Variants in ADAMTS12 observed in about 807,000 individuals in gnomAD.
ADAMTS12 encodes the protein A disintegrin and metalloproteinase with thrombospondin motifs 12.
ADAMTS12 carries 118 observed loss-of-function variants against 167.8 expected under a neutral mutation model. That is an observed-to-expected ratio of 0.70 (90% confidence interval 0.61 to 0.82). The LOEUF is 0.82. Ranked by LOEUF, ADAMTS12 falls within the 40% of genes least tolerant of loss-of-function variation. The pLI, the probability that ADAMTS12 is intolerant of heterozygous loss-of-function variation, is 0.00. For missense variants in ADAMTS12, 1,916 were observed against 1,998.8 expected (o/e 0.96, Z 0.79); for synonymous variants, 704 against 716.9 (o/e 0.98, Z 0.29).
chr5:33,886,999 T>C (rs1750658107), intron 1 of ADAMTS12, among the ~76,000 whole-genome samples: 1 of 152,068 alleles, frequency 6.6e-6, no homozygotes. Flanking sequence ...GGGATCACTG[T>C]GGACATAAAC....
At chr5:33,876,426 T>C (rs1241220700) in intron 2 of ADAMTS12, among the ~76,000 whole-genome samples, 1 of 152,220 alleles carries the variant, frequency 6.6e-6, no homozygotes, top group Non-Finnish European at 1.5e-5. Flanking sequence ...CTGTGTGCTA[T>C]TGATGGAACA....
intron 3 of ADAMTS12, among the ~76,000 whole-genome samples, chr5:33,700,355 C>A (rs922611107): frequency 6.6e-6 from 1 of 152,106 alleles, no homozygotes; most frequent in African/African-American, 2.4e-5. Context: ...TAAAGTAGAA[C>A]AAACTCTTGA....
At chr5:33,795,574 A>G (rs968288238) in intron 2 of ADAMTS12, among the ~76,000 whole-genome samples, 4 of 152,240 alleles carry the variant, frequency 2.6e-5, no homozygotes, top group African/African-American at 9.6e-5. Context: ...TCAGAAGCAC[A>G]AAGGGACTCC....
chr5:33,614,449 C>T, intron 15 of ADAMTS12, 73 bp from the exon 16 acceptor site: 1 of 1,567,756 alleles, frequency 6.4e-7, no homozygotes, highest in Admixed American at 1.7e-5. Flanking sequence ...AAAAACACCA[C>T]AAAATGTCAG....
At chr5:33,596,774 G>A (rs1170764990) in intron 16 of ADAMTS12, among the ~76,000 whole-genome samples, 1 of 152,232 alleles carries the variant, frequency 6.6e-6, no homozygotes, top group African/African-American at 2.4e-5. Context: ...AAGGATAGAG[G>A]AGACAGATAT....
chr5:33,658,249 AC>A lies in ADAMTS12; in HGVS notation c.1124del (p.Ser375IlefsTer20). ...GTCCCGAATCTTCATTGATGTTACAACTGCGGTGAGGCTGACACATTCCTGA... is the reference window on the plus strand; with the variant it reads ...GTCCCGAATCTTCATTGATGTTACAATGCGGTGAGGCTGACACATTCCTGA... Reference protein sequence around the residue: ...HLSGMCQPHRSCNINEDSGLP... With the variant: ...HLSGMCQPHRXCNINEDSGLP... On this transcript the variant is annotated frameshift_variant, in exon 7 of 24. Transcript: ENST00000504830. LOFTEE classifies it high-confidence loss of function. 6 of 1,613,684 alleles carry A rather than the reference AC, an allele frequency of 3.7e-6. No homozygotes were observed. Among genetic ancestry groups the A allele is most frequent in the Non-Finnish European group, 5.1e-6 (6 of 1,179,698 alleles).
chr5:33,876,376 C>T (rs1236955127), intron 2 of ADAMTS12, among the ~76,000 whole-genome samples: 4 of 152,160 alleles, frequency 2.6e-5, no homozygotes, highest in Non-Finnish European at 5.9e-5. Context: ...AATCAGTCTA[C>T]CTGATTTCAT....
intron 2 of ADAMTS12, among the ~76,000 whole-genome samples, chr5:33,866,115 T>C (rs1464792070): frequency 1.3e-5 from 2 of 152,258 alleles, no homozygotes; most frequent in East Asian, 3.9e-4. Flanking sequence ...ATCTGAAAAT[T>C]CATATGGAAC....
At chr5:33,549,090 C>CA (rs1745122493) in intron 21 of ADAMTS12, 117 bp downstream of exon 21, 1 of 1,306,138 alleles carries the variant, frequency 7.7e-7, no homozygotes, top group South Asian at 1.5e-5. Flanking sequence ...GAACAGAGGC[C>CA]AGTCATTGGC....
At chr5:33,820,311 G>A (rs1172604121) in intron 2 of ADAMTS12, among the ~76,000 whole-genome samples, 1 of 152,114 alleles carries the variant, frequency 6.6e-6, no homozygotes, top group African/African-American at 2.4e-5. Context: ...TAAACATAAA[G>A]CAAACTGCCA....
Position 33,858,952 on chromosome 5 carries a change from T to C in ADAMTS12, c.489+22167A>G, listed in dbSNP as rs868018275. Among the ~76,000 whole-genome samples, 2 of 152,116 alleles carry C rather than the reference T, an allele frequency of 1.3e-5. 1 individual carries two copies. Among genetic ancestry groups the C allele is most frequent in the South Asian group, 4.1e-4 (2 of 4,826 alleles). ...AGCCAAGGGAAGCCGTGAGGGTCTG[T>C]GCCTTGAGGAACGGTGCACTCCAGC... On this transcript the variant is annotated intron_variant, in intron 2 of 23. Coordinates refer to ENST00000504830, the MANE Select transcript of ADAMTS12 (RefSeq NM_030955.4).
intron 9 of ADAMTS12, among the ~76,000 whole-genome samples, chr5:33,645,124 T>C (rs1468262537): frequency 6.6e-6 from 1 of 151,158 alleles, no homozygotes; most frequent in Non-Finnish European, 1.5e-5. Flanking sequence ...ATCCATGGTA[T>C]CTCCAGGACA....
intron 16 of ADAMTS12, among the ~76,000 whole-genome samples, chr5:33,609,221 C>T (rs773223163): frequency 6.6e-6 from 1 of 152,066 alleles, no homozygotes; most frequent in Non-Finnish European, 1.5e-5. Flanking sequence ...GGGTTAAACT[C>T]CCTATGTGAA....
intron 19 of ADAMTS12, among the ~76,000 whole-genome samples, chr5:33,575,032 T>C (rs543083199): frequency 2.0e-5 from 3 of 152,286 alleles, no homozygotes; most frequent in Non-Finnish European, 2.9e-5. Flanking sequence ...AAGGATGTAA[T>C]TGGTTCTAGA....
At chr5:33,551,561 G>C (rs888644506) in intron 20 of ADAMTS12, among the ~76,000 whole-genome samples, 2 of 152,146 alleles carry the variant, frequency 1.3e-5, no homozygotes, top group Non-Finnish European at 2.9e-5. Flanking sequence ...GTTAAAACAA[G>C]AGTACTTTTT....
intron 18 of ADAMTS12, among the ~76,000 whole-genome samples, chr5:33,579,119 T>G (rs998249972): frequency 4.6e-5 from 7 of 152,220 alleles, no homozygotes; most frequent in South Asian, 4.1e-4. Flanking sequence ...TTTATCTTCC[T>G]GGTTTGCTGC....
intron 2 of ADAMTS12, among the ~76,000 whole-genome samples, chr5:33,803,433 G>A (rs1747086460): frequency 6.6e-6 from 1 of 152,192 alleles, no homozygotes; most frequent in Admixed American, 6.5e-5. Flanking sequence ...GCCTTGAAGT[G>A]TGGGGTGCAC....
chr5:33,781,622 T>C (rs1423147386), intron 2 of ADAMTS12, among the ~76,000 whole-genome samples: 8 of 152,320 alleles, frequency 5.3e-5, no homozygotes, highest in East Asian at 3.9e-4. Flanking sequence ...CTGACTATAA[T>C]TGAAAGGTCA....
chr5:33,537,008 G>C (rs749067430), intron 22 of ADAMTS12, among the ~76,000 whole-genome samples: 1 of 152,224 alleles, frequency 6.6e-6, no homozygotes, highest in Non-Finnish European at 1.5e-5. Flanking sequence ...CCTGCCAGGA[G>C]TAAGCATGGC....
Sources: gnomAD v4.1 joint callset for allele counts (sites outside exome capture counted in the v4.1 genomes callset) on GRCh38, gnomAD v4.1.1 for gene constraint, MANE v1.5 for transcripts, NCBI Gene and HGNC (gene_info 2026-07-23, HGNC 2026-07-21) for gene names.